The following FRAS1 variants were observed in gnomAD, a reference collection of about 807,000 sequenced individuals.
FRAS1 encodes the protein extracellular matrix organizing protein FRAS1.
A neutral mutation model predicts 435.2 loss-of-function variants in FRAS1; 290 were observed. That is an observed-to-expected ratio of 0.67 (90% CI 0.61 to 0.73). The LOEUF (loss-of-function observed/expected upper bound fraction) is 0.73, where lower values mean the gene tolerates loss of function less well. Ranked by LOEUF, FRAS1 falls within the 30% of genes least tolerant of loss-of-function variation. The probability of loss-of-function intolerance (pLI) is 0.00; values close to 1 mark genes in which losing one functional copy is unlikely to be tolerated. For missense variants in FRAS1, 4,860 were observed against 5,001.5 expected (o/e 0.97, Z 0.85); for synonymous variants, 1,800 against 1,851.0 (o/e 0.97, Z 0.71).
At chr4:78,187,649 G>C (rs932990635) in intron 2 of FRAS1, among the ~76,000 whole-genome samples, 1 of 151,876 alleles carries the variant, frequency 6.6e-6, no homozygotes, top group African/African-American at 2.4e-5. Flanking sequence ...TGTTGCCCAG[G>C]CTGGAGTGCA....
At position 78,454,866 on chromosome 4, in the gene FRAS1, C is replaced by T. The variant is rs1423389401; in HGVS notation, c.6763+2512C>T. On this transcript the variant is annotated intron_variant, in intron 47 of 73. Transcript: ENST00000512123. ...CTTTCCTGGGCTTAAAATCTGGTTA[C>T]TGAAACCAAGCCAGCTGTGGTTCGG... Among the ~76,000 whole-genome samples, 3 of 152,330 alleles carry T rather than the reference C, an allele frequency of 2.0e-5. No individual in the cohort carries two copies. The East Asian group carries it at 5.8e-4, about 29-fold the overall frequency.
At chr4:78,360,465 A>C (rs1731034422) in intron 20 of FRAS1, among the ~76,000 whole-genome samples, 1 of 152,246 alleles carries the variant, frequency 6.6e-6, no homozygotes. Flanking sequence ...AAGGTTGAAA[A>C]GAGAGATAGG....
chr4:78,126,142 C>T (rs907006735), intron 2 of FRAS1, among the ~76,000 whole-genome samples: 2 of 152,200 alleles, frequency 1.3e-5, no homozygotes, highest in Non-Finnish European at 2.9e-5. Flanking sequence ...TCCAGCATCC[C>T]AGGTTGATCT....
chr4:78,346,662 GCTTT>G (rs1350758968), intron 20 of FRAS1, among the ~76,000 whole-genome samples: 1 of 152,198 alleles, frequency 6.6e-6, no homozygotes, highest in African/African-American at 2.4e-5. Context: ...CTACAACTCT[GCTTT>G]CTTTTTTGTT....
chr4:78,282,769 T>C, intron 11 of FRAS1, 51 bp from the exon 12 acceptor site: 7 of 1,601,032 alleles, frequency 4.4e-6, no homozygotes, highest in Non-Finnish European at 6.0e-6. Flanking sequence ...CAAGCTCTCT[T>C]CTGAATTACT....
At chr4:78,364,635 G>A (rs1229910847) in intron 22 of FRAS1, among the ~76,000 whole-genome samples, 2 of 152,114 alleles carry the variant, frequency 1.3e-5, no homozygotes, top group African/African-American at 2.4e-5. Flanking sequence ...CCTTGAGTCA[G>A]GCACAAAGGG....
intron 2 of FRAS1, among the ~76,000 whole-genome samples, chr4:78,156,357 G>T (rs72860670): frequency 0.037 from 5,451 of 148,720 alleles, 337 homozygotes; most frequent in African/African-American, 0.13. Context: ...CTATCTCTTT[G>T]ACAGGATCTA....
chr4:78,391,143 G>C (rs1732428812), intron 29 of FRAS1, among the ~76,000 whole-genome samples: 1 of 152,194 alleles, frequency 6.6e-6, no homozygotes, highest in Admixed American at 6.5e-5. Flanking sequence ...AGCCCTTGGG[G>C]CACCTCTGTG....
At chr4:78,492,950 C>T (rs1720406562) in intron 59 of FRAS1, among the ~76,000 whole-genome samples, 1 of 152,134 alleles carries the variant, frequency 6.6e-6, no homozygotes, top group South Asian at 2.1e-4. Flanking sequence ...GAAACTTAAA[C>T]AAATTTACAA....
intron 6 of FRAS1, among the ~76,000 whole-genome samples, chr4:78,259,042 T>A (rs1725943603): frequency 7.7e-6 from 1 of 129,504 alleles, no homozygotes; most frequent in Admixed American, 8.0e-5. Flanking sequence ...GAACTCATCA[T>A]TTTTTATGGC....
At chr4:78,476,047 C>A (rs186028077) in intron 54 of FRAS1, among the ~76,000 whole-genome samples, 142 of 152,182 alleles carry the variant, frequency 9.3e-4, no homozygotes, top group African/African-American at 3.2e-3. Context: ...TTGAGAGAAG[C>A]GGATGGATTT....
In FRAS1 at chr4:78,281,383, T is replaced by G. The variant is rs1560624533; in HGVS notation, c.1072-15T>G. 2 of 1,553,936 alleles carry G rather than the reference T, an allele frequency of 1.3e-6. No homozygotes were observed. Among genetic ancestry groups the G allele is most frequent in the Admixed American group, 2.0e-5 (1 of 50,874 alleles). Reference sequence around the variant, plus strand: ...TTTTTAGTGGCATAATAAAGACATTTCTCTTTGTTCCTAGATGTCATCAAA... The same window carrying G: ...TTTTTAGTGGCATAATAAAGACATTGCTCTTTGTTCCTAGATGTCATCAAA... On this transcript the variant is annotated splice_polypyrimidine_tract_variant and intron_variant, in intron 10 of 73. Transcript: ENST00000512123.
chr4:78,448,308 T>A lies in FRAS1; in HGVS notation c.6266T>A (p.Leu2089His). The A allele has an allele frequency of 6.2e-7, 1 of 1,606,018 alleles. No homozygotes were observed. The highest frequency in any genetic ancestry group is 8.5e-7 in the Non-Finnish European group (1 of 1,176,086). Residue 2089 changes from leucine to histidine, a missense_variant, in exon 44 of 74, where the codon CTC (leucine) becomes CAC (histidine). Physicochemically the swap from Leu to His is moderately conservative, Grantham distance 99. Transcript: ENST00000512123. ...TTGGCTATAAACCAAGGCCTACAGC[T>A]CTCAGCAGGTACCACAGAAATAAAG... ...PHLAINQGLQ[L>H]SAGSVARITE...
intron 2 of FRAS1, among the ~76,000 whole-genome samples, chr4:78,118,007 T>C (rs1481334159): frequency 3.3e-5 from 5 of 152,244 alleles, no homozygotes; most frequent in Admixed American, 6.5e-5. Context: ...GATGGGGTTT[T>C]GGTGTGGATG....
At chr4:78,298,759 A>G (rs971167818) in intron 14 of FRAS1, among the ~76,000 whole-genome samples, 5 of 152,348 alleles carry the variant, frequency 3.3e-5, no homozygotes, top group East Asian at 1.9e-4. Flanking sequence ...TCTGCTGTGC[A>G]TTCATTTAGC....
chr4:78,412,610 CAT>C (rs1373426247), intron 31 of FRAS1, among the ~76,000 whole-genome samples: 1 of 152,062 alleles, frequency 6.6e-6, no homozygotes, highest in Non-Finnish European at 1.5e-5. Flanking sequence ...AGCAAACTAT[CAT>C]AGTATTGTAA....
rs771452989 is a variant in FRAS1 at position 78,473,577 on chromosome 4, C to T, written c.7662C>T (p.Leu2554=). 3.7e-6 allele frequency: 6 copies of T among 1,606,736 alleles called. No individual in the cohort carries two copies. In the African/African-American group the frequency reaches 8.0e-5, roughly 22 times the overall value. ...SDNVFHIQWS[L]ISFKYTSYNV... is the part of the protein sequence containing the mutation. The stretch of plus-strand genomic sequence containing the variant: ...ATGTCTTCCATATCCAGTGGTCACT[C>T]ATCAGCTTTAAATATACCAGGTACA... Residue 2554 remains leucine, a synonymous_variant, in exon 53 of 74, where the codon CTC becomes CTT. Coordinates refer to ENST00000512123, the MANE Select transcript of FRAS1 (RefSeq NM_025074.7).
chr4:78,516,045 G>A, intron 66 of FRAS1, 32 bp downstream of exon 66: 1 of 1,527,436 alleles, frequency 6.5e-7, no homozygotes, highest in Non-Finnish European at 9.0e-7. Flanking sequence ...TGAGGACTCT[G>A]CATATGGGTG....
chr4:78,450,476 T>C, intron 45 of FRAS1, 137 bp downstream of exon 45: 1 of 683,780 alleles, frequency 1.5e-6, no homozygotes. Flanking sequence ...TTCTCTTCCT[T>C]GTTTTCTTAT....
Sources: allele counts gnomAD v4.1 joint callset (sites outside exome capture counted in the v4.1 genomes callset), GRCh38; gene constraint gnomAD v4.1.1; transcripts MANE v1.5; gene names NCBI Gene and HGNC (gene_info 2026-07-23, HGNC 2026-07-21).